The following UGT2B17 variants were observed in gnomAD, a reference collection of about 807,000 sequenced individuals.
UGT2B17 encodes UDP glucuronosyltransferase family 2 member B17.
A neutral mutation model predicts 48.2 loss-of-function variants in UGT2B17; 21 were observed. The observed-to-expected ratio is 0.44, with a 90% CI of 0.31 to 0.63. The LOEUF is 0.63. Among genes scored for constraint, UGT2B17 ranks in the 20% least tolerant of loss-of-function variants. The pLI is 0.08. For missense variants in UGT2B17, 402 were observed against 696.1 expected, an observed-to-expected ratio of 0.58 and a Z score of 4.75; for synonymous variants, 146 against 238.4, an observed-to-expected ratio of 0.61 and a Z score of 3.57.
In UGT2B17 at chr4:68,544,012, G is replaced by A. The variant is rs1169941991; in HGVS notation, c.1314-6108C>T. Among the ~76,000 whole-genome samples, 7 of 126,604 alleles carry A rather than the reference G, an allele frequency of 5.5e-5. 1 individual carries two copies. Among genetic ancestry groups the A allele is most frequent in the African/African-American group, 1.6e-4 (6 of 36,986 alleles). The allele number at this position is 126,604 out of a possible 152,430, so 83.1% of individuals were successfully genotyped here. A position where few individuals can be genotyped will look rare whatever the true frequency, so the allele number is the denominator to read the frequency against. On this transcript the variant is annotated intron_variant, in intron 6 of 6. Coordinates refer to ENST00000317746, the MANE Select transcript of UGT2B17 (RefSeq NM_001077.4). ...AAACAAGTTGGAAAACACTCTGCAGGTTATCATCCAGGAGAGCTTCCCCAA... is the reference window on the plus strand; with the variant it reads ...AAACAAGTTGGAAAACACTCTGCAGATTATCATCCAGGAGAGCTTCCCCAA...
Position 68,541,898 on chromosome 4 carries a change from G to T in UGT2B17, c.1314-3994C>A, listed in dbSNP as rs1195026893. Among the ~76,000 whole-genome samples, 5 of 126,644 alleles carry T rather than the reference G, an allele frequency of 3.9e-5. 1 individual carries two copies. The highest frequency in any genetic ancestry group is 1.3e-4 in the African/African-American group (5 of 37,084). The allele number at this position is 126,644 out of a possible 152,430, so 83.1% of individuals were successfully genotyped here. On this transcript the variant is annotated intron_variant, in intron 6 of 6. Transcript: ENST00000317746. ...TTTCCCCAGCACCATTTATTAAATA[G>T]GGAATCCTTTCCCATTGCTTGTTTT...
At chr4:68,563,433 A>C (rs1731138522) in intron 3 of UGT2B17, among the ~76,000 whole-genome samples, 1 of 126,310 alleles carries the variant, frequency 7.9e-6, no homozygotes, top group Non-Finnish European at 1.7e-5. Context: ...AACATGGCGA[A>C]ACTCTGTCTC....
chr4:68,569,609 T>C (rs1329088834), intron 1 of UGT2B17, among the ~76,000 whole-genome samples: 2 of 124,158 alleles, frequency 1.6e-5, no homozygotes, highest in Non-Finnish European at 3.4e-5. Context: ...TCAGGCCCAG[T>C]CCCAAGATGC....
chr4:68,567,375 T>A (rs1292625659), intron 2 of UGT2B17, among the ~76,000 whole-genome samples: 1 of 126,930 alleles, frequency 7.9e-6, no homozygotes, highest in Non-Finnish European at 1.7e-5. Flanking sequence ...TCCTCAATCC[T>A]GCATTGATAA....
In UGT2B17 at chr4:68,553,660, G is replaced by T. The variant is rs545350379; in HGVS notation, c.1006-1749C>A. On this transcript the variant is annotated intron_variant, in intron 4 of 6. Transcript: ENST00000317746. The stretch of plus-strand genomic sequence containing the variant: ...ATGGCAGACGAGTTACAAAGTAGAG[G>T]GTGGCTGAGTACAGTTTACTGGAAG... Among the ~76,000 whole-genome samples the T allele has an allele frequency of 2.4e-5, 3 of 125,770 alleles. 1 individual carries two copies. Among genetic ancestry groups the T allele is most frequent in the Non-Finnish European group, 5.1e-5 (3 of 59,368 alleles). 82.5% of individuals were successfully genotyped at this position (125,770 alleles called of 152,430 possible). A position where few individuals can be genotyped will look rare whatever the true frequency, so the allele number is the denominator to read the frequency against.
At position 68,575,130 on chromosome 4, in the gene UGT2B17, C is replaced by T. The variant is rs565831231; in HGVS notation, c.-65+821G>A. On this transcript the variant is annotated intron_variant, in intron 1 of 6. Coordinates refer to ENST00000317746, the MANE Select transcript of UGT2B17 (RefSeq NM_001077.4). Reference sequence around the variant, plus strand: ...TTGTAAGTTTGAAATTTCAATTATCCTTTGCTATTAATAAGACCTTGTTTA... The same window carrying T: ...TTGTAAGTTTGAAATTTCAATTATCTTTTGCTATTAATAAGACCTTGTTTA... Among the ~76,000 whole-genome samples, 10 of 122,578 alleles carry T rather than the reference C, an allele frequency of 8.2e-5. 4 individuals are homozygous for T. The highest frequency in any genetic ancestry group is 7.6e-4 in the South Asian group (2 of 2,648). The allele number at this position is 122,578 out of a possible 152,430, so 80.4% of individuals were successfully genotyped here. A position where few individuals can be genotyped will look rare whatever the true frequency, so the allele number is the denominator to read the frequency against.
chr4:68,556,878 G>A (rs1731011026), intron 4 of UGT2B17, among the ~76,000 whole-genome samples: 1 of 124,726 alleles, frequency 8.0e-6, no homozygotes, highest in Non-Finnish European at 1.7e-5. Context: ...TTTTACCTGT[G>A]ATATCAAGCT....
intron 6 of UGT2B17, among the ~76,000 whole-genome samples, chr4:68,547,574 T>C (rs1162119456): frequency 8.0e-6 from 1 of 124,982 alleles, no homozygotes; most frequent in Non-Finnish European, 1.7e-5. Context: ...AATTGACAAA[T>C]GGGATCTCAT....
Position 68,566,039 on chromosome 4 carries a change from T to A in UGT2B17, c.725-319A>T, listed in dbSNP as rs1298836184. Reference sequence around the variant, plus strand: ...ATATTTAATAAAGTTTAATATTTAATATTAATAAAATTTTATTAATTTTAT... The same window carrying A: ...ATATTTAATAAAGTTTAATATTTAAAATTAATAAAATTTTATTAATTTTAT... On this transcript the variant is annotated intron_variant, in intron 2 of 6. Transcript: ENST00000317746. Among the ~76,000 whole-genome samples, 148 of 118,946 alleles carry A rather than the reference T, an allele frequency of 1.2e-3. 25 individuals carry two copies. Among genetic ancestry groups the A allele is most frequent in the African/African-American group, 4.0e-3 (143 of 35,572 alleles). The allele number at this position is 118,946 out of a possible 152,430, so 78.0% of individuals were successfully genotyped here. A position where few individuals can be genotyped will look rare whatever the true frequency, so the allele number is the denominator to read the frequency against.
chr4:68,546,409 A>G (rs1163921930), intron 6 of UGT2B17, among the ~76,000 whole-genome samples: 1 of 126,532 alleles, frequency 7.9e-6, no homozygotes, highest in African/African-American at 2.7e-5. Flanking sequence ...TAAATTAGGT[A>G]TTGATGGGGA....
In UGT2B17 at chr4:68,539,802, T is replaced by A. The variant is rs1192714021; in HGVS notation, c.1314-1898A>T. On this transcript the variant is annotated intron_variant, in intron 6 of 6. Coordinates refer to ENST00000317746, the MANE Select transcript of UGT2B17 (RefSeq NM_001077.4). ...TATAATCTTTTTTTTTTTTTTTTTT[T>A]GAGACAGAGTCTCTCTCTGTCACCC... Among the ~76,000 whole-genome samples, 6 of 110,064 alleles carry A rather than the reference T, an allele frequency of 5.5e-5. 1 individual carries two copies. Among genetic ancestry groups the A allele is most frequent in the African/African-American group, 2.0e-4 (6 of 30,414 alleles). The allele number at this position is 110,064 out of a possible 152,430, so 72.2% of individuals were successfully genotyped here.
In UGT2B17 at chr4:68,570,485, G is replaced by A. The variant is rs1731281885; in HGVS notation, c.-64-1937C>T. ...CTGTCTTTGGTTTTACTTCTTTGTT[G>A]TTTTTTCTTAAAACAGGTACTGAGC... On this transcript the variant is annotated intron_variant, in intron 1 of 6. Transcript: ENST00000317746. Among the ~76,000 whole-genome samples the A allele has an allele frequency of 1.6e-5, 2 of 126,726 alleles. 1 individual carries two copies. The highest frequency in any genetic ancestry group is 3.4e-5 in the Non-Finnish European group (2 of 59,562). The allele number at this position is 126,726 out of a possible 152,430, so 83.1% of individuals were successfully genotyped here.
chr4:68,567,944 C>T lies in UGT2B17; in HGVS notation c.541G>A (p.Val181Ile), dbSNP rs72551386. ...AGAAATCCTCCACCATTCTTCTCAA[C>T]TGTGTAGCCAACAGAGAAGCGGAGA... ...YSLRFSVGYT[V>I]EKNGGGFLFP... Residue 181 changes from valine (V) to isoleucine (I), a missense_variant, in exon 2 of 7, where the codon GTT becomes ATT. Transcript: ENST00000317746. 1.4e-3 allele frequency: 1,967 copies of T among 1,380,688 alleles called. 417 individuals are homozygous for T. In the African/African-American group the frequency reaches 0.026, roughly 18 times the overall value. 85.5% of individuals were successfully genotyped at this position (1,380,688 alleles called of 1,614,324 possible). A position where few individuals can be genotyped will look rare whatever the true frequency, so the allele number is the denominator to read the frequency against.
intron 6 of UGT2B17, among the ~76,000 whole-genome samples, chr4:68,549,960 T>C (rs1730886230): frequency 7.9e-6 from 1 of 126,108 alleles, no homozygotes. Flanking sequence ...GAATGAGTTC[T>C]GATACATCCA....
Position 68,538,280 on chromosome 4 carries a change from A to G in UGT2B17, c.1314-376T>C, listed in dbSNP as rs1328684844. Among the ~76,000 whole-genome samples the G allele has an allele frequency of 1.6e-5, 2 of 124,650 alleles. 1 individual carries two copies. The highest frequency in any genetic ancestry group is 3.4e-5 in the Non-Finnish European group (2 of 59,282). The allele number at this position is 124,650 out of a possible 152,430, so 81.8% of individuals were successfully genotyped here. ...GAGACAGGCTTTTGCTCCATTACAC[A>G]GGCTGAGTGCAGTCACATGATCATG... is the stretch of plus-strand genomic sequence containing the variant. On this transcript the variant is annotated intron_variant, in intron 6 of 6. Coordinates refer to ENST00000317746, the MANE Select transcript of UGT2B17 (RefSeq NM_001077.4).
At position 68,555,475 on chromosome 4, in the gene UGT2B17, CCTT is replaced by C. The variant is rs1416145426; in HGVS notation, c.1006-3567_1006-3565del. On this transcript the variant is annotated intron_variant, in intron 4 of 6. Transcript: ENST00000317746. ...AAGCTAAACTATAAACTAAGTTCCTCCTTAAGTTAGTTTGGCCTACACCCAGAA... is the reference window on the plus strand; with the variant it reads ...AAGCTAAACTATAAACTAAGTTCCTCAAGTTAGTTTGGCCTACACCCAGAA... 2.4e-5 allele frequency among the ~76,000 whole-genome samples: 3 copies of C among 125,762 alleles called. 1 individual carries two copies. In the Admixed American group the frequency reaches 2.5e-4, roughly 10 times the overall value. 82.5% of individuals were successfully genotyped at this position (125,762 alleles called of 152,430 possible).
rs1415936587 is a variant in UGT2B17 at position 68,570,131 on chromosome 4, C to G, written c.-64-1583G>C. Reference sequence around the variant, plus strand: ...AGACACCAAGTTGTAGAAGGAAGGGCTTTATTCAGCTGGGAGCATCGGCAA... The same window carrying G: ...AGACACCAAGTTGTAGAAGGAAGGGGTTTATTCAGCTGGGAGCATCGGCAA... On this transcript the variant is annotated intron_variant, in intron 1 of 6. Coordinates refer to ENST00000317746, the MANE Select transcript of UGT2B17 (RefSeq NM_001077.4). Among the ~76,000 whole-genome samples the G allele has an allele frequency of 1.6e-5, 2 of 126,760 alleles. 1 individual carries two copies. The highest frequency in any genetic ancestry group is 5.4e-5 in the African/African-American group (2 of 36,992). 83.2% of individuals were successfully genotyped at this position (126,760 alleles called of 152,430 possible).
At position 68,568,302 on chromosome 4, in the gene UGT2B17, A is replaced by C. The variant is rs747247372; in HGVS notation, c.183T>G (p.Ser61=). ...ATGATTTACTGGCATTGACAAGAAT[A>C]GAAGCCGAAGATGTCAACACAATCA... ...HEVIVLTSSA[S]ILVNASKSSA... is the part of the protein sequence containing the mutation. Residue 61 remains serine, a synonymous_variant, in exon 2 of 7, where the codon TCT becomes TCG. Coordinates refer to ENST00000317746, the MANE Select transcript of UGT2B17 (RefSeq NM_001077.4). The C allele has an allele frequency of 1.7e-5, 23 of 1,378,228 alleles. 5 individuals carry two copies. Among genetic ancestry groups the C allele is most frequent in the Admixed American group, 4.1e-5 (2 of 48,788 alleles). 85.4% of individuals were successfully genotyped at this position (1,378,228 alleles called of 1,614,324 possible). A position where few individuals can be genotyped will look rare whatever the true frequency, so the allele number is the denominator to read the frequency against.
intron 1 of UGT2B17, among the ~76,000 whole-genome samples, chr4:68,575,188 C>CTTT (rs559097531): frequency 4.9e-5 from 4 of 81,900 alleles, no homozygotes; most frequent in African/African-American, 1.8e-4. Flanking sequence ...TATAGATGGC[C>CTTT]TTTTTTTTTT....
Sources: allele counts gnomAD v4.1 joint callset (sites outside exome capture counted in the v4.1 genomes callset), GRCh38; gene constraint gnomAD v4.1.1; transcripts MANE v1.5; gene names NCBI Gene and HGNC (gene_info 2026-07-23, HGNC 2026-07-21).